Variants in USP7 observed in about 807,000 individuals in gnomAD.
USP7 encodes ubiquitin C-terminal hydrolase 7.
USP7 carries 9 observed loss-of-function variants against 162.9 expected under a neutral mutation model. The ratio of observed to expected loss-of-function variants is 0.06; its 90% CI spans 0.03 to 0.10. The LOEUF (loss-of-function observed/expected upper bound fraction) is 0.10, where lower values mean the gene tolerates loss of function less well. Ranked by LOEUF, USP7 falls within the 10% of genes least tolerant of loss-of-function variation. The pLI, the probability that USP7 is intolerant of heterozygous loss-of-function variation, is 1.00. For missense variants in USP7, 715 were observed against 1,373.7 expected (o/e 0.52, Z 7.58); for synonymous variants, 562 against 475.9 (o/e 1.18, Z -2.35).
At position 8,900,588 on chromosome 16, in the gene USP7, C is replaced by T. The variant is rs1183913112; in HGVS notation, c.2251G>A (p.Val751Met). ...TCATCAAGGGCTTTATCAAGAGACA[C>T]GTCATAGTCCTGAATTCTCTCTGTT... ...NLTERIQDYD[V>M]SLDKALDELM... Residue 751 changes from valine to methionine, a missense_variant, in exon 21 of 31, where the codon GTG becomes ATG. By Grantham distance (21) the Val-to-Met change is conservative. Coordinates refer to ENST00000344836, the MANE Select transcript of USP7 (RefSeq NM_003470.3). The T allele has an allele frequency of 2.5e-6, 4 of 1,611,970 alleles. No individual in the cohort carries two copies. The highest frequency in any genetic ancestry group is 2.5e-6 in the Non-Finnish European group (3 of 1,179,602).
chr16:8,905,337 A>T lies in USP7; in HGVS notation c.1429-6T>A, dbSNP rs1350104389. On this transcript the variant is annotated splice_region_variant and splice_polypyrimidine_tract_variant and intron_variant, in intron 13 of 30. Transcript: ENST00000344836. ...TCGTCATCAAATTTACACCACTGCA[A>T]GGAAAACAACACACACCAGCAGCGA... The T allele has an allele frequency of 6.2e-7, 1 of 1,613,652 alleles. No individual in the cohort carries two copies. Among genetic ancestry groups the T allele is most frequent in the African/African-American group, 1.3e-5 (1 of 74,932 alleles).
At chr16:8,897,722 A>ACATATATATATATAT (rs71155415) in intron 25 of USP7, among the ~76,000 whole-genome samples, 2 of 21,628 alleles carry the variant, frequency 9.2e-5, no homozygotes, top group Non-Finnish European at 1.5e-4. Flanking sequence ...AAAAAAAAAA[A>ACATATATATATATAT]AAAAATATAT....
chr16:8,895,209 C>T, intron 27 of USP7, 59 bp from the exon 28 acceptor site: 1 of 1,611,594 alleles, frequency 6.2e-7, no homozygotes, highest in Non-Finnish European at 8.5e-7. Context: ...TCAAAGTGTC[C>T]ACATCTCAAT....
chr16:8,940,204 TA>T (rs1326775476), intron 1 of USP7, among the ~76,000 whole-genome samples: 1 of 152,212 alleles, frequency 6.6e-6, no homozygotes, highest in African/African-American at 2.4e-5. Flanking sequence ...GCTGCCTATC[TA>T]CGCATCCTAT....
chr16:8,923,447 T>C (rs1897813477), intron 2 of USP7, 34 bp from the exon 3 acceptor site: 5 of 1,609,226 alleles, frequency 3.1e-6, no homozygotes, highest in South Asian at 2.2e-5. Context: ...TCACAGAGCC[T>C]GTGCATTGAC....
rs1300816766 is a variant in USP7 at position 8,963,579 on chromosome 16, G to GCCT, written c.-295_-294insAGG. On this transcript the variant is annotated 5_prime_UTR_variant, in exon 1 of 31. Transcript: ENST00000344836. The stretch of plus-strand genomic sequence containing the variant: ...GTCGCTCGCTGCGGCCGCCGCCGCC[G>GCCT]CCGCCGCGGGGCCCGCCTCCCGCCG... 2 of 136,904 alleles carry GCCT rather than the reference G, an allele frequency of 1.5e-5. No individual in the cohort carries two copies. The highest frequency in any genetic ancestry group is 5.2e-5 in the African/African-American group (2 of 38,252). The allele number at this position is 136,904 out of a possible 1,614,324, so 8.5% of individuals were successfully genotyped here.
At chr16:8,911,113 T>C (rs936069011) in intron 10 of USP7, among the ~76,000 whole-genome samples, 2 of 152,194 alleles carry the variant, frequency 1.3e-5, no homozygotes, top group Admixed American at 1.3e-4. Flanking sequence ...TGTAAAGCTA[T>C]GATTATGAAG....
intron 1 of USP7, among the ~76,000 whole-genome samples, chr16:8,931,035 C>T (rs572667488): frequency 6.6e-6 from 1 of 151,782 alleles, no homozygotes; most frequent in East Asian, 1.9e-4. Flanking sequence ...GCGTAAAGAA[C>T]CTTTATCTAA....
rs376953697 is a variant in USP7 at position 8,957,365 on chromosome 16, T to C, written c.79+5842A>G. Reference sequence around the variant, plus strand: ...GTCATGGTACATGGCAAGAAATATGTTGTTACAACTCTTGTTCTCCAGGAT... The same window carrying C: ...GTCATGGTACATGGCAAGAAATATGCTGTTACAACTCTTGTTCTCCAGGAT... On this transcript the variant is annotated intron_variant, in intron 1 of 30. Transcript: ENST00000344836. Among the ~76,000 whole-genome samples, 88 of 152,320 alleles carry C rather than the reference T, an allele frequency of 5.8e-4. 1 individual carries two copies. The highest frequency in any genetic ancestry group is 1.0e-3 in the South Asian group (5 of 4,830).
chr16:8,920,300 CTTCT>C, intron 5 of USP7, 55 bp downstream of exon 5: 1 of 1,452,996 alleles, frequency 6.9e-7, no homozygotes, highest in Non-Finnish European at 9.5e-7. Flanking sequence ...CACGCTAAAG[CTTCT>C]TTCACTGCAG....
chr16:8,915,139 C>G, intron 10 of USP7, 115 bp downstream of exon 10: 1 of 998,922 alleles, frequency 1.0e-6, no homozygotes, highest in Non-Finnish European at 1.4e-6. Context: ...TGCTTAAGAT[C>G]TGAGCCATTC....
intron 1 of USP7, among the ~76,000 whole-genome samples, chr16:8,943,393 C>G (rs1451243422): frequency 1.3e-5 from 2 of 151,348 alleles, no homozygotes; most frequent in African/African-American, 4.9e-5. Flanking sequence ...CTGTGCAGCA[C>G]AATGCAAGTA....
chr16:8,960,074 G>C (rs11865187), intron 1 of USP7, among the ~76,000 whole-genome samples: 1 of 152,210 alleles, frequency 6.6e-6, no homozygotes, highest in Non-Finnish European at 1.5e-5. Flanking sequence ...AGTATTCAGA[G>C]GGCAGAGACC....
intron 2 of USP7, among the ~76,000 whole-genome samples, chr16:8,926,198 C>T (rs1596385518): frequency 2.0e-5 from 3 of 151,458 alleles, no homozygotes; most frequent in South Asian, 2.1e-4. Context: ...AAAAGGTCGG[C>T]CGGGCGCGGT....
chr16:8,919,644 T>A (rs1208473724), intron 5 of USP7, among the ~76,000 whole-genome samples: 1 of 151,978 alleles, frequency 6.6e-6, no homozygotes, highest in East Asian at 1.9e-4. Context: ...GGGAGCAAGA[T>A]AAGATTCTCA....
intron 2 of USP7, among the ~76,000 whole-genome samples, chr16:8,930,058 T>G (rs1229543593): frequency 3.3e-5 from 5 of 152,188 alleles, no homozygotes; most frequent in East Asian, 1.9e-4. Context: ...CCTATTAAAT[T>G]TAAACCTACA....
intron 2 of USP7, among the ~76,000 whole-genome samples, chr16:8,925,470 T>C (rs537215272): frequency 2.0e-5 from 3 of 152,360 alleles, no homozygotes; most frequent in African/African-American, 4.8e-5. Context: ...TTTACAGGGT[T>C]TGATTTTATG....
rs893485511 is a variant in USP7 at position 8,918,006 on chromosome 16, G to A, written c.721-850C>T. On this transcript the variant is annotated intron_variant, in intron 6 of 30. Transcript: ENST00000344836. ...GGGGTTTCACCATGTTAGCCAGGAT[G>A]GTCTCGATCTGCTGACCTCATGATC... Among the ~76,000 whole-genome samples the A allele has an allele frequency of 8.6e-5, 13 of 151,234 alleles. 1 individual carries two copies. Among genetic ancestry groups the A allele is most frequent in the Admixed American group, 8.6e-4 (13 of 15,168 alleles).
At chr16:8,941,401 T>C (rs1899040008) in intron 1 of USP7, among the ~76,000 whole-genome samples, 1 of 152,158 alleles carries the variant, frequency 6.6e-6, no homozygotes, top group Non-Finnish European at 1.5e-5. Flanking sequence ...AGAAAACATC[T>C]TATTCTGTAG....
Sources: gnomAD v4.1 joint callset for allele counts (sites outside exome capture counted in the v4.1 genomes callset) on GRCh38, gnomAD v4.1.1 for gene constraint, MANE v1.5 for transcripts, NCBI Gene and HGNC (gene_info 2026-07-23, HGNC 2026-07-21) for gene names.